Variants in FAAP100 observed in about 807,000 individuals in gnomAD.
The protein encoded by FAAP100 is FA core complex associated protein 100.
A neutral mutation model predicts 65.8 loss-of-function variants in FAAP100; 46 were observed. That is an observed-to-expected ratio of 0.70 (90% CI 0.55 to 0.89). The LOEUF (loss-of-function observed/expected upper bound fraction) is 0.89. FAAP100 is among the 40% of genes least tolerant of loss of function. The probability of loss-of-function intolerance (pLI) is 0.00; values close to 1 mark genes in which losing one functional copy is unlikely to be tolerated. For missense variants in FAAP100, 1,165 were observed against 1,196.7 expected, an observed-to-expected ratio of 0.97 and a Z score of 0.39; for synonymous variants, 663 against 555.1, an observed-to-expected ratio of 1.19 and a Z score of -2.73.
At position 81,547,032 on chromosome 17, in the gene FAAP100, G is replaced by A. The variant is rs763230784; in HGVS notation, c.2050C>T (p.Arg684Trp). The change falls in exon 5 of 9, where the codon CGG becomes TGG. Residue 684 changes from arginine to tryptophan, a missense_variant. Physicochemically the swap from Arg to Trp is moderately radical, Grantham distance 101. Coordinates refer to ENST00000327787, the MANE Select transcript of FAAP100 (RefSeq NM_025161.6). The part of the protein sequence containing the change: ...DPVATFLETC[R>W]EPGSQPAGPA... ...CCTGCTGGCTGGCTGCCAGGCTCCCGACAAGTTTCCAGAAAAGTGGCCACA... is the reference window on the plus strand; with the variant it reads ...CCTGCTGGCTGGCTGCCAGGCTCCCAACAAGTTTCCAGAAAAGTGGCCACA... 1.5e-5 allele frequency: 23 copies of A among 1,553,072 alleles called. No homozygotes were observed. The highest frequency in any genetic ancestry group is 9.6e-5 in the South Asian group (8 of 83,660).
In FAAP100 at chr17:81,547,628, C is replaced by T; in HGVS notation, c.1454G>A (p.Ser485Asn). 3 of 1,612,814 alleles carry T rather than the reference C, an allele frequency of 1.9e-6. No homozygotes were observed. The highest frequency in any genetic ancestry group is 2.5e-6 in the Non-Finnish European group (3 of 1,179,506). ...AVDQRNKALTSLNEAMNVSCA... is the reference protein window; with the variant it reads ...AVDQRNKALTNLNEAMNVSCA... Reference sequence around the variant, plus strand: ...GCTCACGTTCATGGCCTCGTTGAGGCTTGTCAGTGCCTTGTTCCGCTGGTC... The same window carrying T: ...GCTCACGTTCATGGCCTCGTTGAGGTTTGTCAGTGCCTTGTTCCGCTGGTC... Residue 485 changes from serine (S) to asparagine (N), a missense_variant, in exon 5 of 9, where the codon AGC becomes AAC. Ser to Asn is a conservative substitution (Grantham distance 46). Transcript: ENST00000327787.
chr17:81,542,620 T>C (rs1392072788), intron 7 of FAAP100, among the ~76,000 whole-genome samples: 2 of 152,160 alleles, frequency 1.3e-5, no homozygotes. Flanking sequence ...AGATGAGATC[T>C]GTGTCCAGGA....
intron 6 of FAAP100, 85 bp downstream of exon 6, chr17:81,545,661 T>G: frequency 6.7e-7 from 1 of 1,486,060 alleles, no homozygotes; most frequent in Non-Finnish European, 9.0e-7. Flanking sequence ...CCACCCAGGG[T>G]GAGGGGTCCT....
rs532512671 is a variant in FAAP100 at position 81,547,627 on chromosome 17, G to C, written c.1455C>G (p.Ser485Arg). 6.2e-7 allele frequency: 1 copy of C among 1,612,830 alleles called. No individual in the cohort carries two copies. The highest frequency in any genetic ancestry group is 8.5e-7 in the Non-Finnish European group (1 of 1,179,520). The part of the protein sequence containing the change: ...AVDQRNKALT[S>R]LNEAMNVSCA... ...AGCTCACGTTCATGGCCTCGTTGAG[G>C]CTTGTCAGTGCCTTGTTCCGCTGGT... Residue 485 changes from serine to arginine, a missense_variant, in exon 5 of 9, where the codon AGC (serine) becomes AGG (arginine). By Grantham distance (110) the Ser-to-Arg change is moderately radical (BLOSUM62 -1). Coordinates refer to ENST00000327787, the MANE Select transcript of FAAP100 (RefSeq NM_025161.6).
At chr17:81,543,215 C>T (rs560573588) in intron 7 of FAAP100, among the ~76,000 whole-genome samples, 8 of 152,322 alleles carry the variant, frequency 5.3e-5, no homozygotes, top group East Asian at 3.9e-4. Context: ...ACAGTGCCCA[C>T]GGGAGTCAAG....
Position 81,547,575 on chromosome 17 carries a change from G to A in FAAP100, c.1507C>T (p.Pro503Ser). 1 of 1,613,490 alleles carries A rather than the reference G, an allele frequency of 6.2e-7. No individual in the cohort carries two copies. The highest frequency in any genetic ancestry group is 8.5e-7 in the Non-Finnish European group (1 of 1,180,028). Residue 503 changes from proline (P) to serine (S), a missense_variant, in exon 5 of 9, where the codon CCC becomes TCC. By Grantham distance (74) the Pro-to-Ser change is moderately conservative. Coordinates refer to ENST00000327787, the MANE Select transcript of FAAP100 (RefSeq NM_025161.6). ...CTGGTGGTGCAGGAGATGGGTCTGG[G>A]GCCCGTGCCGCTTGACAGCAGTGCA... is the stretch of plus-strand genomic sequence containing the variant. Reference protein sequence around the residue: ...SCALLSSGTGPRPISCTTSTT... With the variant: ...SCALLSSGTGSRPISCTTSTT...
chr17:81,550,932 G>C lies in FAAP100; in HGVS notation c.562C>G (p.Pro188Ala). ...YTPPAGVPGK[P>A]AAPHFLPVLC... ...ACTGGAAGGAAGTGGGGGGCTGCAG[G>C]CTTTCCTGGGACCCCGGCTGGGGGC... Residue 188 changes from proline to alanine, a missense_variant, in exon 3 of 9, where the codon CCT becomes GCT. Pro to Ala is a conservative substitution (Grantham distance 27). Transcript: ENST00000327787. The C allele has an allele frequency of 6.2e-7, 1 of 1,612,336 alleles. No individual in the cohort carries two copies. The highest frequency in any genetic ancestry group is 8.5e-7 in the Non-Finnish European group (1 of 1,179,754).
chr17:81,546,145 T>C (rs906977088), intron 5 of FAAP100, among the ~76,000 whole-genome samples: 8 of 152,230 alleles, frequency 5.3e-5, no homozygotes, highest in African/African-American at 1.9e-4. Context: ...AACCTCACTT[T>C]GGGGGACCTG....
chr17:81,539,895 C>T lies in FAAP100; in HGVS notation c.*924G>A, dbSNP rs183467338. ...AAAACAGCCGAGGCCTGAAGGTTCA[C>T]GGACAGACAGGGTCGTTTGTCACAG... On this transcript the variant is annotated 3_prime_UTR_variant, in exon 9 of 9. Transcript: ENST00000327787. The T allele has an allele frequency of 2.0e-5, 8 of 398,800 alleles. No homozygotes were observed. The highest frequency in any genetic ancestry group is 1.4e-4 in the East Asian group (4 of 28,078). 24.7% of individuals were successfully genotyped at this position (398,800 alleles called of 1,614,324 possible). A position where few individuals can be genotyped will look rare whatever the true frequency, so the allele number is the denominator to read the frequency against.
intron 4 of FAAP100, chr17:81,548,327 T>G: frequency 2.9e-6 from 1 of 340,524 alleles, no homozygotes; most frequent in South Asian, 6.8e-5. Flanking sequence ...ACGTCTCCCG[T>G]GCCCCACTAG....
At position 81,551,887 on chromosome 17, in the gene FAAP100, A is replaced by C. The variant is rs368215531; in HGVS notation, c.290+41T>G. 1,119 of 1,516,286 alleles carry C rather than the reference A, an allele frequency of 7.4e-4. 15 individuals are homozygous for C. The African/African-American group carries it at 0.014, about 20-fold the overall frequency. 93.9% of individuals were successfully genotyped at this position (1,516,286 alleles called of 1,614,324 possible). On this transcript the variant is annotated intron_variant, in intron 2 of 8. Transcript: ENST00000327787. The stretch of plus-strand genomic sequence containing the variant: ...GCTCGCTCTGAAGCAGTCCGGGGGC[A>C]GCAGGAGTGTGCGGGAGGGAGGCCG...
Position 81,545,820 on chromosome 17 carries a change from C to T in FAAP100, c.2236G>A (p.Val746Met), listed in dbSNP as rs1458612316. 8.7e-6 allele frequency: 14 copies of T among 1,611,776 alleles called. No homozygotes were observed. The highest frequency in any genetic ancestry group is 1.1e-5 in the South Asian group (1 of 91,072). ...ATGGAAGATAGTGCTCGGGCCCTCA[C>T]GACGTCCACAGCAGCATTCTCAGCA... ...LLAENAAVDV[V>M]RARALSSIQG... The change falls in exon 6 of 9, where the codon GTG (valine) becomes ATG (methionine). Residue 746 changes from valine to methionine, a missense_variant. By Grantham distance (21) the Val-to-Met change is conservative. Transcript: ENST00000327787.
In FAAP100 at chr17:81,551,966, G is replaced by A. The variant is rs534422258; in HGVS notation, c.252C>T (p.Gly84=). 2 of 1,564,104 alleles carry A rather than the reference G, an allele frequency of 1.3e-6. No homozygotes were observed. The highest frequency in any genetic ancestry group is 1.2e-5 in the South Asian group (1 of 85,844). ...RLLYALCARR[G]LYCLSLDHPG... ...GGTGGTCCAGCGACAGGCAGTAGAG[G>A]CCCCTCCGGGCGCACAGCGCGTACA... The change falls in exon 2 of 9, where the codon GGC becomes GGT. Residue 84 remains glycine, a synonymous_variant. Coordinates refer to ENST00000327787, the MANE Select transcript of FAAP100 (RefSeq NM_025161.6).
In FAAP100 at chr17:81,550,798, A is replaced by G. The variant is rs748571816; in HGVS notation, c.696T>C (p.Asp232=). 4 of 1,612,756 alleles carry G rather than the reference A, an allele frequency of 2.5e-6. No homozygotes were observed. Among genetic ancestry groups the G allele is most frequent in the Non-Finnish European group, 3.4e-6 (4 of 1,179,872 alleles). Residue 232 remains aspartate (D), a synonymous_variant, in exon 3 of 9, where the codon GAT becomes GAC. Transcript: ENST00000327787. The part of the protein sequence containing the change: ...DALFGLLFGA[D]ATLLQSPVVL... Reference sequence around the variant, plus strand: ...CCACAGGTGACTGCAGGAGGGTGGCATCAGCTCCAAAGAGGAGCCCGAAGA... The same window carrying G: ...CCACAGGTGACTGCAGGAGGGTGGCGTCAGCTCCAAAGAGGAGCCCGAAGA...
intron 6 of FAAP100, among the ~76,000 whole-genome samples, 166 bp from the exon 7 acceptor site, chr17:81,544,286 C>G (rs2033218045): frequency 6.6e-6 from 1 of 152,236 alleles, no homozygotes; most frequent in African/African-American, 2.4e-5. Flanking sequence ...GCTCAGTACC[C>G]TGGTTTAGCT....
chr17:81,550,847 C>G lies in FAAP100; in HGVS notation c.647G>C (p.Gly216Ala), dbSNP rs768374872. ...RVPHDLLGGS[G>A]GFTLEDALFG... ...GAGGGCGTCCTCCAGCGTGAAGCCC[C>G]CGGAGCCCCCGAGGAGGTCGTGCGG... Residue 216 changes from glycine (G) to alanine (A), a missense_variant, in exon 3 of 9, where the codon GGG becomes GCG. By Grantham distance (60) the Gly-to-Ala change is moderately conservative (BLOSUM62 0). Coordinates refer to ENST00000327787, the MANE Select transcript of FAAP100 (RefSeq NM_025161.6). The G allele has an allele frequency of 1.5e-5, 24 of 1,611,976 alleles. No homozygotes were observed. The South Asian group carries it at 2.6e-4, about 18-fold the overall frequency.
upstream of FAAP100, chr17:81,552,365 G>C: frequency 7.6e-7 from 1 of 1,311,694 alleles, no homozygotes; most frequent in Non-Finnish European, 9.6e-7. Flanking sequence ...AGAAGCCCCG[G>C]CCGCGCGGCG....
At chr17:81,552,401 G>A (rs994983035), upstream of FAAP100, 1 of 1,256,134 alleles carries the variant, frequency 8.0e-7, no homozygotes, top group Non-Finnish European at 1.0e-6. Context: ...AGCGCTTTAC[G>A]GCAGCCCGCT....
At chr17:81,541,251 C>A (rs1178675637) in intron 8 of FAAP100, 58 bp downstream of exon 8, 1 of 1,514,824 alleles carries the variant, frequency 6.6e-7, no homozygotes, top group Non-Finnish European at 9.0e-7. Context: ...GGGGGCCTGG[C>A]GATGGGCGCT....
Sources: gnomAD v4.1 joint callset for allele counts (sites outside exome capture counted in the v4.1 genomes callset) on GRCh38, gnomAD v4.1.1 for gene constraint, MANE v1.5 for transcripts, NCBI Gene and HGNC (gene_info 2026-07-23, HGNC 2026-07-21) for gene names.